CHRNA5: variants seen among roughly 807,000 people sequenced by gnomAD.
CHRNA5 encodes the protein neuronal acetylcholine receptor subunit alpha-5.
A neutral mutation model predicts 41.2 loss-of-function variants in CHRNA5; 28 were observed. The ratio of observed to expected loss-of-function variants is 0.68; its 90% CI spans 0.50 to 0.93. The LOEUF is 0.93. Among genes scored for constraint, CHRNA5 ranks in the 40% least tolerant of loss-of-function variants. The probability of loss-of-function intolerance (pLI) is 0.00; values close to 1 mark genes in which losing one functional copy is unlikely to be tolerated. For synonymous variants in CHRNA5, 188 were observed against 205.8 expected, an observed-to-expected ratio of 0.91 and a Z score of 0.74; for missense variants, 481 against 581.9, an observed-to-expected ratio of 0.83 and a Z score of 1.78.
At chr15:78,589,966 C>G in exon 5 of CHRNA5, 3 of 1,614,074 alleles carry the variant, frequency 1.9e-6, no homozygotes, top group Non-Finnish European at 2.5e-6. Flanking sequence ...GGTTCTTGGA[C>G]TTATGATGGA....
chr15:78,570,351 T>C (rs1013467536), intron 1 of CHRNA5, among the ~76,000 whole-genome samples: 11 of 150,902 alleles, frequency 7.3e-5, no homozygotes, highest in Non-Finnish European at 1.5e-4. Context: ...CTCTGGCTCC[T>C]GGGTCCAAAT....
At chr15:78,567,642 T>C (rs989739069) in intron 1 of CHRNA5, among the ~76,000 whole-genome samples, 1 of 152,220 alleles carries the variant, frequency 6.6e-6, no homozygotes, top group African/African-American at 2.4e-5. Flanking sequence ...TGATTCTTGT[T>C]TATCTTTGTA....
intron 1 of CHRNA5, among the ~76,000 whole-genome samples, chr15:78,576,470 G>A (rs2052857774): frequency 2.0e-5 from 3 of 152,146 alleles, no homozygotes; most frequent in South Asian, 4.1e-4. Context: ...TTAAGACAAG[G>A]AAGGGAAGAA....
intron 5 of CHRNA5, 181 bp from the exon 6 acceptor site, chr15:78,592,911 T>C: frequency 1.9e-6 from 1 of 524,908 alleles, no homozygotes; most frequent in Non-Finnish European, 3.2e-6. Context: ...TTAAAGCTTA[T>C]ATCTATAGTA....
At chr15:78,595,233 GT>G in exon 6 of CHRNA5, 1 of 944,150 alleles carries the variant, frequency 1.1e-6, no homozygotes, top group South Asian at 4.9e-5. Context: ...TACCATTACT[GT>G]TACTTATGAT....
Position 78,585,791 on chromosome 15 carries a change from C to CTTTTT in CHRNA5, c.259-847_259-843dup, listed in dbSNP as rs752254237. ...TTTTTCTTTTTCTTTTCTTTTCTTT[C>CTTTTT]TTTTTTTTTTTGAGATGGAGTCTCG... On this transcript the variant is annotated intron_variant, in intron 2 of 5. Transcript: ENST00000299565. Among the ~76,000 whole-genome samples, 88 of 130,602 alleles carry CTTTTT rather than the reference C, an allele frequency of 6.7e-4. 9 individuals carry two copies. Among genetic ancestry groups the CTTTTT allele is most frequent in the African/African-American group, 1.9e-3 (65 of 34,564 alleles). 85.7% of individuals were successfully genotyped at this position (130,602 alleles called of 152,430 possible).
intron 1 of CHRNA5, among the ~76,000 whole-genome samples, chr15:78,572,949 T>G (rs186126326): frequency 8.5e-5 from 13 of 152,340 alleles, no homozygotes; most frequent in African/African-American, 3.1e-4. Flanking sequence ...CTTTATGAGC[T>G]TCTGGATTTG....
chr15:78,590,515 C>T, exon 5 of CHRNA5: 1 of 1,614,178 alleles, frequency 6.2e-7, no homozygotes, highest in Non-Finnish European at 8.5e-7. Context: ...AGGTACTTCA[C>T]TCAGAAAGAG....
chr15:78,590,672 C>T (rs1454961013), intron 5 of CHRNA5, 36 bp downstream of exon 5: 1 of 1,530,892 alleles, frequency 6.5e-7, no homozygotes, highest in Non-Finnish European at 8.9e-7. Flanking sequence ...AGATCTTCTT[C>T]CATTTTAAGT....
chr15:78,579,299 G>A (rs1234190911), intron 1 of CHRNA5, among the ~76,000 whole-genome samples: 1 of 152,010 alleles, frequency 6.6e-6, no homozygotes, highest in Non-Finnish European at 1.5e-5. Flanking sequence ...TGTTGGCCAC[G>A]CTGGAGTGCA....
intron 2 of CHRNA5, among the ~76,000 whole-genome samples, chr15:78,582,217 GGTTCATGCCT>G (rs1314578057): frequency 2.6e-5 from 4 of 152,120 alleles, no homozygotes; most frequent in Non-Finnish European, 5.9e-5. Context: ...CAGGTGTGGT[GGTTCATGCCT>G]GTTATCCCAG....
intron 1 of CHRNA5, 126 bp downstream of exon 1, chr15:78,565,951 T>G (rs144259447): frequency 5.1e-6 from 2 of 392,168 alleles, no homozygotes; most frequent in African/African-American, 2.1e-5. Context: ...TTTTTTCTCC[T>G]GGGGGCTTGG....
At chr15:78,575,686 C>T (rs957036113) in intron 1 of CHRNA5, among the ~76,000 whole-genome samples, 3 of 151,900 alleles carry the variant, frequency 2.0e-5, no homozygotes, top group East Asian at 1.9e-4. Context: ...AGAATAAGAA[C>T]GACCCTGTGC....
At chr15:78,575,609 C>T (rs888112037) in intron 1 of CHRNA5, among the ~76,000 whole-genome samples, 10 of 152,144 alleles carry the variant, frequency 6.6e-5, no homozygotes, top group African/African-American at 2.4e-4. Context: ...GTTCCATTGC[C>T]TGGGACTGTC....
chr15:78,579,322 C>T (rs1056529789), intron 1 of CHRNA5, among the ~76,000 whole-genome samples: 2 of 152,138 alleles, frequency 1.3e-5, no homozygotes, highest in Admixed American at 6.6e-5. Context: ...GGCACAATCT[C>T]GGCTCACTGC....
At chr15:78,584,652 T>C (rs1567059537) in intron 2 of CHRNA5, among the ~76,000 whole-genome samples, 1 of 152,270 alleles carries the variant, frequency 6.6e-6, no homozygotes. Flanking sequence ...TATGTGTGTG[T>C]GCACATTTTT....
intron 2 of CHRNA5, among the ~76,000 whole-genome samples, chr15:78,585,782 C>CTT (rs1238450337): frequency 1.2e-5 from 1 of 84,518 alleles, no homozygotes; most frequent in Non-Finnish European, 2.2e-5. Context: ...TTTTTCTTTT[C>CTT]TTTTCTTTCT....
intron 2 of CHRNA5, among the ~76,000 whole-genome samples, chr15:78,582,749 A>G (rs2052924730): frequency 6.6e-6 from 1 of 152,202 alleles, no homozygotes; most frequent in Non-Finnish European, 1.5e-5. Flanking sequence ...AAGGAACAAT[A>G]TAGTTGTAGG....
At chr15:78,575,100 A>G (rs979788123) in intron 1 of CHRNA5, among the ~76,000 whole-genome samples, 21 of 152,122 alleles carry the variant, frequency 1.4e-4, no homozygotes, top group African/African-American at 4.8e-4. Flanking sequence ...CCTTTTCACC[A>G]TACTAAAACT....
Sources: gnomAD v4.1 joint callset for allele counts (sites outside exome capture counted in the v4.1 genomes callset) on GRCh38, gnomAD v4.1.1 for gene constraint, MANE v1.5 for transcripts, NCBI Gene and HGNC (gene_info 2026-07-23, HGNC 2026-07-21) for gene names.